Variants in PDGFC observed in about 807,000 individuals in gnomAD.
PDGFC encodes the protein platelet-derived growth factor C.
A neutral mutation model predicts 35.5 loss-of-function variants in PDGFC; 12 were observed. That is an observed-to-expected ratio of 0.34 (90% CI 0.22 to 0.55). The LOEUF (loss-of-function observed/expected upper bound fraction) is 0.55, where lower values mean the gene tolerates loss of function less well. PDGFC is among the 20% of genes least tolerant of loss of function. The pLI is 0.91. For synonymous variants in PDGFC, 159 were observed against 148.8 expected, an observed-to-expected ratio of 1.07 and a Z score of -0.50; for missense variants, 322 against 412.4, an observed-to-expected ratio of 0.78 and a Z score of 1.90.
At chr4:156,877,578 T>TC (rs1400016811) in intron 1 of PDGFC, among the ~76,000 whole-genome samples, 2 of 152,132 alleles carry the variant, frequency 1.3e-5, no homozygotes, top group African/African-American at 4.8e-5. Flanking sequence ...GAGAAAATAT[T>TC]ATATGCAAAG....
chr4:156,968,133 T>C (rs1363384744), intron 1 of PDGFC, among the ~76,000 whole-genome samples: 5 of 152,184 alleles, frequency 3.3e-5, no homozygotes, highest in African/African-American at 1.2e-4. Context: ...TTTCCAATTC[T>C]ACCTCCTCTT....
intron 2 of PDGFC, among the ~76,000 whole-genome samples, chr4:156,824,323 T>C (rs374233547): frequency 0.29 from 27,924 of 95,580 alleles, 3,963 homozygotes; most frequent in African/African-American, 0.45. Context: ...TATATATATA[T>C]ATATACACAC....
chr4:156,960,697 A>G (rs986618045), intron 1 of PDGFC, among the ~76,000 whole-genome samples: 1 of 151,876 alleles, frequency 6.6e-6, no homozygotes, highest in African/African-American at 2.4e-5. Flanking sequence ...GGATGTACAG[A>G]TCTATATTTT....
At chr4:156,920,017 G>A (rs974822233) in intron 1 of PDGFC, among the ~76,000 whole-genome samples, 1 of 151,970 alleles carries the variant, frequency 6.6e-6, no homozygotes, top group Non-Finnish European at 1.5e-5. Flanking sequence ...AGAGCCTGGC[G>A]CCTCCTCCCC....
At chr4:156,779,642 G>C (rs959038182) in intron 3 of PDGFC, among the ~76,000 whole-genome samples, 1 of 152,172 alleles carries the variant, frequency 6.6e-6, no homozygotes, top group African/African-American at 2.4e-5. Context: ...TATGAAAAAA[G>C]AGATGGCTAA....
chr4:156,878,669 T>G (rs1218428438), intron 1 of PDGFC, among the ~76,000 whole-genome samples: 1 of 152,188 alleles, frequency 6.6e-6, no homozygotes, highest in Non-Finnish European at 1.5e-5. Flanking sequence ...AATGAGAATT[T>G]CCTTTGAGCT....
intron 3 of PDGFC, among the ~76,000 whole-genome samples, chr4:156,786,648 G>A (rs903125922): frequency 6.6e-6 from 1 of 152,168 alleles, no homozygotes; most frequent in South Asian, 2.1e-4. Context: ...GGTGACTGGG[G>A]AGTAGAGCTG....
rs752841602 is a variant in PDGFC, at chr4:156,851,868, T to C, written c.119-1452A>G. Among the ~76,000 whole-genome samples, 48 of 142,926 alleles carry C rather than the reference T, an allele frequency of 3.4e-4. 1 individual carries two copies. The highest frequency in any genetic ancestry group is 5.2e-4 in the Non-Finnish European group (35 of 66,758). 93.8% of individuals were successfully genotyped at this position (142,926 alleles called of 152,430 possible). A position where few individuals can be genotyped will look rare whatever the true frequency, so the allele number is the denominator to read the frequency against. Reference sequence around the variant, plus strand: ...ATGGTGTGAACCCAGAAGGCGGAGCTTGCAGTGAGGGGAGATCCCGCCACT... The same window carrying C: ...ATGGTGTGAACCCAGAAGGCGGAGCCTGCAGTGAGGGGAGATCCCGCCACT... On this transcript the variant is annotated intron_variant, in intron 1 of 5. Transcript: ENST00000502773.
chr4:156,774,958 G>T (rs1330937019), intron 3 of PDGFC, among the ~76,000 whole-genome samples: 2 of 152,066 alleles, frequency 1.3e-5, no homozygotes, highest in Non-Finnish European at 2.9e-5. Context: ...TACTATTAAA[G>T]ACTTAATTTC....
At chr4:156,855,536 C>T (rs1309122600) in intron 1 of PDGFC, among the ~76,000 whole-genome samples, 1 of 152,146 alleles carries the variant, frequency 6.6e-6, no homozygotes, top group Non-Finnish European at 1.5e-5. Flanking sequence ...ATCGGCCTCA[C>T]GGATGTCCTG....
intron 1 of PDGFC, among the ~76,000 whole-genome samples, chr4:156,964,770 T>C (rs1732426410): frequency 6.6e-6 from 1 of 152,102 alleles, no homozygotes; most frequent in Non-Finnish European, 1.5e-5. Flanking sequence ...CAACTTCTGC[T>C]CTCTAGGCCT....
intron 3 of PDGFC, among the ~76,000 whole-genome samples, chr4:156,790,283 T>C (rs887319760): frequency 2.0e-5 from 3 of 152,176 alleles, no homozygotes; most frequent in Non-Finnish European, 2.9e-5. Context: ...GGTCATAAAA[T>C]TATTGCAAGT....
chr4:156,940,877 C>T (rs1423546920), intron 1 of PDGFC, among the ~76,000 whole-genome samples: 1 of 152,124 alleles, frequency 6.6e-6, no homozygotes, highest in Admixed American at 6.6e-5. Context: ...TAATACCACA[C>T]TCCTCACTAA....
chr4:156,966,833 T>C (rs1427989586), intron 1 of PDGFC, among the ~76,000 whole-genome samples: 1 of 152,190 alleles, frequency 6.6e-6, no homozygotes, highest in Non-Finnish European at 1.5e-5. Flanking sequence ...TAAACACCTT[T>C]CAGTGGTAAA....
At chr4:156,830,090 G>A (rs1728891180) in intron 2 of PDGFC, among the ~76,000 whole-genome samples, 1 of 151,998 alleles carries the variant, frequency 6.6e-6, no homozygotes, top group Non-Finnish European at 1.5e-5. Flanking sequence ...TTGGCCATTT[G>A]TAGCAATTTA....
chr4:156,788,365 G>A (rs918161071), intron 3 of PDGFC, among the ~76,000 whole-genome samples: 1 of 152,152 alleles, frequency 6.6e-6, no homozygotes, highest in Non-Finnish European at 1.5e-5. Flanking sequence ...TAAGAACTTG[G>A]CTAAGAGAGA....
At chr4:156,831,485 G>A (rs540201151) in intron 2 of PDGFC, among the ~76,000 whole-genome samples, 50 of 130,902 alleles carry the variant, frequency 3.8e-4, no homozygotes, top group African/African-American at 1.4e-3. Context: ...GCTCTATCGC[G>A]CAGGCTGGAG....
intron 1 of PDGFC, among the ~76,000 whole-genome samples, chr4:156,868,169 T>C (rs1252151343): frequency 6.6e-6 from 1 of 152,212 alleles, no homozygotes; most frequent in Non-Finnish European, 1.5e-5. Flanking sequence ...GGAGATTAAA[T>C]ACTTTTTGAC....
chr4:156,874,891 A>AT (rs1295049247), intron 1 of PDGFC, among the ~76,000 whole-genome samples: 4 of 151,656 alleles, frequency 2.6e-5, no homozygotes, highest in Non-Finnish European at 4.4e-5. Flanking sequence ...TAATTTTTGT[A>AT]TTTTTTTGTA....
Sources: allele counts gnomAD v4.1 joint callset (sites outside exome capture counted in the v4.1 genomes callset), GRCh38; gene constraint gnomAD v4.1.1; transcripts MANE v1.5; gene names NCBI Gene and HGNC (gene_info 2026-07-23, HGNC 2026-07-21).